The following AFAP1L2 variants were observed in gnomAD, a reference collection of about 807,000 sequenced individuals.
AFAP1L2 encodes the protein actin filament associated protein 1 like 2.
A neutral mutation model predicts 99.3 loss-of-function variants in AFAP1L2; 46 were observed. The observed-to-expected ratio is 0.46, with a 90% CI of 0.37 to 0.59. The LOEUF is 0.59. AFAP1L2 is among the 20% of genes least tolerant of loss of function. The pLI is 0.00. For synonymous variants in AFAP1L2, 397 were observed against 419.1 expected (o/e 0.95, Z 0.64); for missense variants, 959 against 1,034.9 (o/e 0.93, Z 1.01).
intron 10 of AFAP1L2, among the ~76,000 whole-genome samples, chr10:114,306,132 G>C: frequency 8.7e-6 from 1 of 114,358 alleles, no homozygotes; most frequent in Non-Finnish European, 1.9e-5. Flanking sequence ...GAGGGATGCA[G>C]GTGCAGGAGG....
chr10:114,309,525 A>G (rs2042900585), intron 8 of AFAP1L2, among the ~76,000 whole-genome samples: 1 of 152,228 alleles, frequency 6.6e-6, no homozygotes, highest in Non-Finnish European at 1.5e-5. Context: ...ACCTACCTGC[A>G]GGTACTCAGG....
At chr10:114,292,101 A>T (rs1215608326), downstream of AFAP1L2, among the ~76,000 whole-genome samples, 1 of 152,100 alleles carries the variant, frequency 6.6e-6, no homozygotes, top group African/African-American at 2.4e-5. Flanking sequence ...ACGTGGTGAA[A>T]GTTTGTCTTT....
the AFAP1L2 span, chr10:114,286,108 G>A: frequency 1.9e-6 from 3 of 1,614,174 alleles, no homozygotes; most frequent in Non-Finnish European, 8.5e-7. Context: ...CATACAGCAG[G>A]GAGCTGCTGG....
In AFAP1L2 at chr10:114,301,540, C is replaced by T; in HGVS notation, c.1431-75G>A. 3 of 1,116,244 alleles carry T rather than the reference C, an allele frequency of 2.7e-6. No individual in the cohort carries two copies. The African/African-American group carries it at 4.6e-5, about 17-fold the overall frequency. The allele number at this position is 1,116,244 out of a possible 1,614,324, so 69.1% of individuals were successfully genotyped here. Reference sequence around the variant, plus strand: ...GAAAGCACCAGACTCCAAGGATTCCCAGTGAGGAGTGGTTGCCGTGAAAGT... The same window carrying T: ...GAAAGCACCAGACTCCAAGGATTCCTAGTGAGGAGTGGTTGCCGTGAAAGT... On this transcript the variant is annotated intron_variant, in intron 12 of 18. Transcript: ENST00000304129.
chr10:114,286,604 C>T, the AFAP1L2 span: 14 of 1,127,236 alleles, frequency 1.2e-5, no homozygotes, highest in East Asian at 3.5e-4. Context: ...CTGCCAGTGC[C>T]TCTTCTAGGG....
At chr10:114,320,889 C>T (rs79005704) in intron 5 of AFAP1L2, among the ~76,000 whole-genome samples, 5,072 of 152,314 alleles carry the variant, frequency 0.033, 189 homozygotes, top group Admixed American at 0.11. Flanking sequence ...ACCGCACCCT[C>T]GCCTTTGGTC....
chr10:114,282,476 A>C, the AFAP1L2 span: 1 of 1,562,032 alleles, frequency 6.4e-7, no homozygotes, highest in South Asian at 1.1e-5. Flanking sequence ...CTCCCCTTAC[A>C]CCTCTGATCT....
At chr10:114,383,038 T>C (rs914770014) in intron 1 of AFAP1L2, among the ~76,000 whole-genome samples, 3 of 152,038 alleles carry the variant, frequency 2.0e-5, no homozygotes, top group African/African-American at 4.8e-5. Flanking sequence ...AACACTCACA[T>C]GTACTCCATA....
At chr10:114,398,924 G>A (rs529527494) in intron 1 of AFAP1L2, 1 of 1,304,330 alleles carries the variant, frequency 7.7e-7, no homozygotes, top group South Asian at 1.2e-5. Flanking sequence ...ACAGAAATAA[G>A]GCTCAAGTCG....
Position 114,304,878 on chromosome 10 carries a change from G to C in AFAP1L2, c.1125C>G (p.Val375=), listed in dbSNP as rs538214197. 3.3e-5 allele frequency: 53 copies of C among 1,613,446 alleles called. No homozygotes were observed. Among genetic ancestry groups the C allele is most frequent in the Admixed American group, 2.0e-4 (12 of 60,024 alleles). ...NSQWKSRWCS[V]RDNHLHFYQD... ...GGTAGAAGTGCAGGTGATTGTCCCT[G>C]ACAGAGCACCAGCGAGACTTCCACT... The change falls in exon 11 of 19, where the codon GTC becomes GTG. Residue 375 remains valine, a synonymous_variant. Transcript: ENST00000304129.
At chr10:114,328,166 C>A (rs2046674538) in intron 4 of AFAP1L2, among the ~76,000 whole-genome samples, 1 of 152,170 alleles carries the variant, frequency 6.6e-6, no homozygotes, top group African/African-American at 2.4e-5. Context: ...ACTGTCCACA[C>A]CCACGAGGTT....
chr10:114,285,332 C>T, the AFAP1L2 span, among the ~76,000 whole-genome samples: 9 of 152,254 alleles, frequency 5.9e-5, no homozygotes, highest in Non-Finnish European at 8.8e-5. Context: ...CAAGGAGCCC[C>T]GATTCCTTTT....
chr10:114,306,720 G>C (rs1221850834), intron 10 of AFAP1L2, among the ~76,000 whole-genome samples: 2 of 151,958 alleles, frequency 1.3e-5, no homozygotes, highest in African/African-American at 4.8e-5. Context: ...CCCCAGTCCT[G>C]GGAAGGAGAG....
chr10:114,284,901 T>C, the AFAP1L2 span: 1 of 1,607,458 alleles, frequency 6.2e-7, no homozygotes, highest in Non-Finnish European at 8.5e-7. Context: ...TGGAGGCACA[T>C]GTGTTCCAGA....
At chr10:114,396,072 A>G (rs1368891142) in intron 1 of AFAP1L2, among the ~76,000 whole-genome samples, 1 of 152,188 alleles carries the variant, frequency 6.6e-6, no homozygotes, top group Non-Finnish European at 1.5e-5. Flanking sequence ...TTTGTGGGTG[A>G]CTAGTGGCTT....
chr10:114,405,084 G>A (rs924060590), upstream of AFAP1L2, among the ~76,000 whole-genome samples: 3 of 152,188 alleles, frequency 2.0e-5, no homozygotes, highest in Non-Finnish European at 4.4e-5. Context: ...AACCTCTCTG[G>A]GCAGCCGCTG....
At chr10:114,290,511 G>A, downstream of AFAP1L2, 1 of 1,132,570 alleles carries the variant, frequency 8.8e-7, no homozygotes, top group Non-Finnish European at 1.2e-6. Context: ...AACATTTAGT[G>A]AGTACCTCCT....
At position 114,300,576 on chromosome 10, in the gene AFAP1L2, C is replaced by T. The variant is rs1224816945; in HGVS notation, c.1657G>A (p.Ala553Thr). 1.7e-5 allele frequency: 27 copies of T among 1,614,166 alleles called. No individual in the cohort carries two copies. The highest frequency in any genetic ancestry group is 2.2e-5 in the Non-Finnish European group (26 of 1,180,026). Residue 553 changes from alanine (A) to threonine (T), a missense_variant, in exon 14 of 19, where the codon GCA (alanine) becomes ACA (threonine). Ala to Thr is a moderately conservative substitution (Grantham distance 58). Coordinates refer to ENST00000304129, the MANE Select transcript of AFAP1L2 (RefSeq NM_001001936.3). ...GTCGGGGAGGAGGCCTGGGCCTGTG[C>T]ACTGCTGGGGCCATGCAGAAAGGAC... ...VKSFLHGPSS[A>T]QAQASSPTLS...
chr10:114,320,272 T>G (rs995536464), intron 5 of AFAP1L2, among the ~76,000 whole-genome samples: 1 of 152,210 alleles, frequency 6.6e-6, no homozygotes, highest in Non-Finnish European at 1.5e-5. Flanking sequence ...GAGAGGGACA[T>G]GACCCAGGGG....
Sources: gnomAD v4.1 joint callset for allele counts (sites outside exome capture counted in the v4.1 genomes callset) on GRCh38, gnomAD v4.1.1 for gene constraint, MANE v1.5 for transcripts, NCBI Gene and HGNC (gene_info 2026-07-23, HGNC 2026-07-21) for gene names.